TRIM7: variants seen among roughly 807,000 people sequenced by gnomAD.
The protein encoded by TRIM7 is E3 ubiquitin-protein ligase TRIM7.
Under a neutral mutation model 37.9 loss-of-function variants are expected in TRIM7, and 32 were observed. The observed-to-expected ratio is 0.84, with a 90% CI of 0.64 to 1.13. The LOEUF is 1.13. TRIM7 is among the 50% of genes most tolerant of loss of function. The probability of loss-of-function intolerance (pLI) is 0.00; values close to 1 mark genes in which losing one functional copy is unlikely to be tolerated. For synonymous variants in TRIM7, 351 were observed against 321.3 expected, an observed-to-expected ratio of 1.09 and a Z score of -0.99; for missense variants, 732 against 714.0, an observed-to-expected ratio of 1.03 and a Z score of -0.29.
At chr5:181,198,420 C>T in intron 5 of TRIM7, 1 of 659,660 alleles carries the variant, frequency 1.5e-6, no homozygotes. Flanking sequence ...ACCCAAGTGG[C>T]TCTGAGCTGA....
At chr5:181,203,080 T>TA (rs1316134338) in intron 2 of TRIM7, 4 of 205,114 alleles carry the variant, frequency 2.0e-5, no homozygotes, top group Admixed American at 1.8e-4. Context: ...CCTTCTCCGT[T>TA]AGCCTCGATT....
intron 5 of TRIM7, 95 bp from the exon 6 acceptor site, chr5:181,198,313 TC>T: frequency 1.5e-6 from 2 of 1,323,120 alleles, no homozygotes; most frequent in Non-Finnish European, 2.2e-6. Context: ...ACTCATTCAT[TC>T]CCCAGAGACT....
At position 181,198,778 on chromosome 5, in the gene TRIM7, T is replaced by G; in HGVS notation, c.900A>C (p.Pro300=). Residue 300 remains proline, a synonymous_variant, in exon 5 of 7, where the codon CCA becomes CCC. Transcript: ENST00000274773. ...SRCSNVPGPK[P]TTVSSEMKNK... Reference sequence around the variant, plus strand: ...TCTTCATCTCAGAAGAGACTGTGGTTGGCTTGGGGCCAGGCACATTGCTAC... The same window carrying G: ...TCTTCATCTCAGAAGAGACTGTGGTGGGCTTGGGGCCAGGCACATTGCTAC... 6.2e-7 allele frequency: 1 copy of G among 1,614,074 alleles called. No homozygotes were observed. The highest frequency in any genetic ancestry group is 8.5e-7 in the Non-Finnish European group (1 of 1,179,970).
intron 6 of TRIM7, chr5:181,195,882 T>C: frequency 3.9e-6 from 2 of 509,570 alleles, no homozygotes; most frequent in Non-Finnish European, 6.6e-6. Context: ...AACAAGTACT[T>C]ACTGAAATCA....
At chr5:181,202,454 C>A (rs965716781) in intron 2 of TRIM7, 2 of 152,116 alleles carry the variant, frequency 1.3e-5, no homozygotes, top group South Asian at 4.2e-4. Flanking sequence ...GCTGGGATTA[C>A]GGGCGTAAGC....
At chr5:181,196,812 A>G (rs1030738438) in intron 6 of TRIM7, 1 of 152,214 alleles carries the variant, frequency 6.6e-6, no homozygotes, top group African/African-American at 2.4e-5. Context: ...ATGGGTATGT[A>G]ACATTCTTTA....
intron 2 of TRIM7, chr5:181,200,540 C>T: frequency 9.6e-7 from 1 of 1,045,654 alleles, no homozygotes; most frequent in Non-Finnish European, 1.2e-6. Context: ...TCCTGTTTAG[C>T]AGTTATAATG....
chr5:181,198,731 A>G lies in TRIM7; in HGVS notation c.947T>C (p.Leu316Pro). The part of the protein sequence containing the change: ...EMKNKVWNVS[L>P]KTFVLKGMLK... The stretch of plus-strand genomic sequence containing the variant: ...CATCCCTTTTAAGACAAAGGTCTTG[A>G]GAGAAACATTCCAGACTTTATTCTT... The change falls in exon 5 of 7, where the codon CTC becomes CCC. Residue 316 changes from leucine to proline, a missense_variant. Leu to Pro is a moderately conservative substitution (Grantham distance 98). Coordinates refer to ENST00000274773, the MANE Select transcript of TRIM7 (RefSeq NM_203293.3). The G allele has an allele frequency of 6.2e-7, 1 of 1,614,140 alleles. No individual in the cohort carries two copies. The highest frequency in any genetic ancestry group is 2.2e-5 in the East Asian group (1 of 44,884).
In TRIM7 at chr5:181,194,962, AC is replaced by A. The variant is rs1757000470; in HGVS notation, c.*203del. 7 of 578,374 alleles carry A rather than the reference AC, an allele frequency of 1.2e-5. No homozygotes were observed. The Admixed American group carries it at 2.1e-4, about 17-fold the overall frequency. 35.8% of individuals were successfully genotyped at this position (578,374 alleles called of 1,614,324 possible). On this transcript the variant is annotated 3_prime_UTR_variant, in exon 7 of 7. Coordinates refer to ENST00000274773, the MANE Select transcript of TRIM7 (RefSeq NM_203293.3). The stretch of plus-strand genomic sequence containing the variant: ...CCACATGTGACCTCAGGAAGGGAAC[AC>A]CCTCAGGAGTCCAAAGCCCCTGTTC...
Position 181,195,551 on chromosome 5 carries a change from GTGTTGGTGTCGAAGCGGC to G in TRIM7, c.1133_1150del (p.Cys378_Thr384delinsSer). 1 of 1,611,584 alleles carries G rather than the reference GTGTTGGTGTCGAAGCGGC, an allele frequency of 6.2e-7. No homozygotes were observed. The highest frequency in any genetic ancestry group is 8.5e-7 in the Non-Finnish European group (1 of 1,178,492). ...GAAGCCGCAGGACGCCAGGACGCGG[GTGTTGGTGTCGAAGCGGC>G]AGGGGTGGTTGGGCAGGTCCTGGGC... On this transcript the variant is annotated inframe_deletion, in exon 7 of 7. Coordinates refer to ENST00000274773, the MANE Select transcript of TRIM7 (RefSeq NM_203293.3).
intron 2 of TRIM7, chr5:181,200,609 A>G (rs1757423198): frequency 9.9e-7 from 1 of 1,005,714 alleles, no homozygotes; most frequent in Non-Finnish European, 1.2e-6. Context: ...AGAAGGAAGA[A>G]AAGTCCGATG....
Position 181,195,298 on chromosome 5 carries a change from C to T in TRIM7, c.1404G>A (p.Glu468=). The T allele has an allele frequency of 6.2e-7, 1 of 1,603,240 alleles. No individual in the cohort carries two copies. The highest frequency in any genetic ancestry group is 1.7e-5 in the Admixed American group (1 of 58,354). Residue 468 remains glutamate, a synonymous_variant, in exon 7 of 7, where the codon GAG becomes GAA. Coordinates refer to ENST00000274773, the MANE Select transcript of TRIM7 (RefSeq NM_203293.3). ...LSRVRVALDL[E]VGAVSFYAVE... ...CAGCGTAGAAGGACACGGCTCCCAC[C>T]TCCAGGTCCAGGGCCACCCGCACGC...
At position 181,195,765 on chromosome 5, in the gene TRIM7, C is replaced by A. The variant is rs540141096; in HGVS notation, c.1025-88G>T. 1.4e-4 allele frequency: 204 copies of A among 1,468,770 alleles called. No individual in the cohort carries two copies. In the Middle Eastern group the frequency reaches 2.3e-3, roughly 16 times the overall value. The allele number at this position is 1,468,770 out of a possible 1,614,324, so 91.0% of individuals were successfully genotyped here. On this transcript the variant is annotated intron_variant, in intron 6 of 6. Coordinates refer to ENST00000274773, the MANE Select transcript of TRIM7 (RefSeq NM_203293.3). ...GGCCGCGCCCGACCTTGCTTTGCAACCTGCCTGCCTTTCCCTCTAGAATCC... is the reference window on the plus strand; with the variant it reads ...GGCCGCGCCCGACCTTGCTTTGCAAACTGCCTGCCTTTCCCTCTAGAATCC...
In TRIM7 at chr5:181,195,463, C is replaced by T. The variant is rs1286844284; in HGVS notation, c.1239G>A (p.Val413=). The change falls in exon 7 of 7, where the codon GTG becomes GTA. Residue 413 remains valine (V), a synonymous_variant. Coordinates refer to ENST00000274773, the MANE Select transcript of TRIM7 (RefSeq NM_203293.3). ...VGSKDGWAFG[V]ARESVRRKGL... Reference sequence around the variant, plus strand: ...CCTTTCGGCGCACGCTCTCGCGGGCCACGCCAAAGGCCCAGCCGTCCTTAG... The same window carrying T: ...CCTTTCGGCGCACGCTCTCGCGGGCTACGCCAAAGGCCCAGCCGTCCTTAG... 1 of 1,611,738 alleles carries T rather than the reference C, an allele frequency of 6.2e-7. No homozygotes were observed. The highest frequency in any genetic ancestry group is 8.5e-7 in the Non-Finnish European group (1 of 1,179,488).
intron 5 of TRIM7, 49 bp from the exon 6 acceptor site, chr5:181,198,267 A>T (rs1238126516): frequency 1.3e-6 from 2 of 1,597,020 alleles, no homozygotes; most frequent in Non-Finnish European, 1.7e-6. Context: ...ACGGGAGATT[A>T]TATGGCAAGG....
At position 181,199,111 on chromosome 5, in the gene TRIM7, T is replaced by G; in HGVS notation, c.856A>C (p.Lys286Gln). 2 of 1,614,228 alleles carry G rather than the reference T, an allele frequency of 1.2e-6. No individual in the cohort carries two copies. The highest frequency in any genetic ancestry group is 1.7e-6 in the Non-Finnish European group (2 of 1,180,042). The stretch of plus-strand genomic sequence containing the variant: ...GTCACTCACCTGCTCAGCGTGCTTT[T>G]GAATTCCTGGAAGGAAAGATAGAGG... ...KPDLDFLQEFKSTLSRCSNVP... is the reference protein window; with the variant it reads ...KPDLDFLQEFQSTLSRCSNVP... The change falls in exon 4 of 7, where the codon AAA becomes CAA. Residue 286 changes from lysine to glutamine, a missense_variant. Coordinates refer to ENST00000274773, the MANE Select transcript of TRIM7 (RefSeq NM_203293.3).
In TRIM7 at chr5:181,204,618, G is replaced by A; in HGVS notation, c.493C>T (p.Pro165Ser). The A allele has an allele frequency of 6.8e-7, 1 of 1,467,898 alleles. No individual in the cohort carries two copies. The highest frequency in any genetic ancestry group is 2.5e-5 in the Admixed American group (1 of 40,334). 90.9% of individuals were successfully genotyped at this position (1,467,898 alleles called of 1,614,324 possible). ...GCCTCCTGCACCGCCTCGTCCAGCG[G>A]CAGCACGGCGTGCTCGCGGTGCTCG... ...AREHREHAVL[P>S]LDEAVQEAKE... Residue 165 changes from proline to serine, a missense_variant, in exon 1 of 7, where the codon CCG becomes TCG. Transcript: ENST00000274773.
In TRIM7 at chr5:181,195,143, C is replaced by T; in HGVS notation, c.*23G>A. On this transcript the variant is annotated 3_prime_UTR_variant, in exon 7 of 7. Transcript: ENST00000274773. ...TCCCCTCCCACCGGCAGCCCAGAGA[C>T]AGGAGCTCCCCAGCAGTGCCCCTCA... 1 of 1,566,132 alleles carries T rather than the reference C, an allele frequency of 6.4e-7. No homozygotes were observed. The highest frequency in any genetic ancestry group is 8.7e-7 in the Non-Finnish European group (1 of 1,152,694).
intron 4 of TRIM7, 113 bp downstream of exon 4, chr5:181,198,982 A>G: frequency 6.9e-7 from 1 of 1,439,024 alleles, no homozygotes; most frequent in South Asian, 1.1e-5. Flanking sequence ...TCCCCAGGCA[A>G]GCAAGTCGGG....
Sources: gnomAD v4.1 joint callset for allele counts on GRCh38, gnomAD v4.1.1 for gene constraint, MANE v1.5 for transcripts, NCBI Gene and HGNC (gene_info 2026-07-23, HGNC 2026-07-21) for gene names.